Variants in OCM2 observed in about 807,000 individuals in gnomAD.
The protein encoded by OCM2 is oncomodulin 2.
In OCM2, 6 loss-of-function variants were observed where a neutral mutation model predicts 13.6. The ratio of observed to expected loss-of-function variants is 0.44; its 90% CI spans 0.24 to 0.87. OCM2 has a LOEUF of 0.87. Among genes scored for constraint, OCM2 ranks in the 40% least tolerant of loss-of-function variants. The pLI is 0.22. For synonymous variants in OCM2, 40 were observed against 50.7 expected (o/e 0.79, Z 0.90); for missense variants, 118 against 136.8 (o/e 0.86, Z 0.68).
intron 3 of OCM2, 29 bp from the exon 4 acceptor site, chr7:97,985,012 A>G: frequency 1.2e-6 from 2 of 1,614,096 alleles, no homozygotes; most frequent in Admixed American, 3.3e-5. Flanking sequence ...GAACAGGGTC[A>G]GTGGAGGTGG....
At position 97,990,025 on chromosome 7, in the gene OCM2, C is replaced by CCCCCG; in HGVS notation, c.61+18_61+19insCGGGG. 1 of 1,523,218 alleles carries CCCCCG rather than the reference C, an allele frequency of 6.6e-7. No homozygotes were observed. Among genetic ancestry groups the CCCCCG allele is most frequent in the Non-Finnish European group, 9.1e-7 (1 of 1,097,886 alleles). The allele number at this position is 1,523,218 out of a possible 1,614,324, so 94.4% of individuals were successfully genotyped here. A position where few individuals can be genotyped will look rare whatever the true frequency, so the allele number is the denominator to read the frequency against. ...CAAAGCTGTGAGGAAATCCCACCCCCGCCCCACGTCCCCTCTACCTTGGCA... is the reference window on the plus strand; with the variant it reads ...CAAAGCTGTGAGGAAATCCCACCCCCCCCCGGCCCCACGTCCCCTCTACCTTGGCA... On this transcript the variant is annotated intron_variant, in intron 1 of 3. Coordinates refer to ENST00000257627, the Ensembl canonical transcript of OCM2.
At chr7:97,990,010 A>G in intron 1 of OCM2, 34 bp downstream of exon 1, 3 of 1,570,718 alleles carry the variant, frequency 1.9e-6, no homozygotes, top group Non-Finnish European at 2.6e-6. Context: ...CAAAGCTGTG[A>G]GGAAATCCCA....
exon 1 of OCM2, chr7:97,990,136 G>T: frequency 6.2e-7 from 1 of 1,607,606 alleles, no homozygotes; most frequent in South Asian, 1.1e-5. Context: ...TAAACGAGAG[G>T]CGATAAGCCA....
intron 3 of OCM2, among the ~76,000 whole-genome samples, chr7:97,985,999 G>A (rs1284713945): frequency 6.6e-6 from 1 of 151,852 alleles, no homozygotes; most frequent in African/African-American, 2.4e-5. Flanking sequence ...TGCAACCTCT[G>A]CCTCCCAGGT....
intron 2 of OCM2, among the ~76,000 whole-genome samples, chr7:97,987,553 T>C (rs1183990743): frequency 6.6e-6 from 1 of 152,110 alleles, no homozygotes; most frequent in African/African-American, 2.4e-5. Flanking sequence ...TTTTGTCATG[T>C]TGCCCAGACT....
intron 3 of OCM2, among the ~76,000 whole-genome samples, chr7:97,985,324 C>G (rs756784304): frequency 2.0e-5 from 3 of 149,302 alleles, no homozygotes; most frequent in Non-Finnish European, 3.0e-5. Flanking sequence ...GAGGCTGAGG[C>G]GGGAGAATCA....
chr7:97,990,022 C>G, intron 1 of OCM2, 22 bp downstream of exon 1: 2 of 1,462,548 alleles, frequency 1.4e-6, no homozygotes, highest in Non-Finnish European at 1.9e-6. Context: ...GAAATCCCAC[C>G]CCCGCCCCAC....
intron 1 of OCM2, among the ~76,000 whole-genome samples, chr7:97,989,185 C>T (rs1282645486): frequency 1.3e-5 from 2 of 151,870 alleles, no homozygotes; most frequent in Non-Finnish European, 2.9e-5. Context: ...CCGGCCTTGG[C>T]CTCCCAAAGT....
exon 4 of OCM2, chr7:97,984,979 G>C: frequency 6.2e-7 from 1 of 1,614,080 alleles, no homozygotes; most frequent in Non-Finnish European, 8.5e-7. Context: ...CCATTTCCTG[G>C]AATTCTAGAA....
chr7:97,988,775 T>A (rs981323081), intron 1 of OCM2, among the ~76,000 whole-genome samples: 8 of 152,028 alleles, frequency 5.3e-5, no homozygotes, highest in African/African-American at 1.9e-4. Flanking sequence ...TTTGTCCATT[T>A]TCCTTTTCCC....
rs761205093 is a variant in OCM2, at chr7:97,989,942, G to A, written c.61+102C>T. On this transcript the variant is annotated intron_variant, in intron 1 of 3. Coordinates refer to ENST00000257627, the Ensembl canonical transcript of OCM2. ...CAAAGTGCTAGGATTACAGGCGTGAGCCACTGCGTCTGGCCGCCTGGCCTA... is the reference window on the plus strand; with the variant it reads ...CAAAGTGCTAGGATTACAGGCGTGAACCACTGCGTCTGGCCGCCTGGCCTA... 4.3e-6 allele frequency: 5 copies of A among 1,173,372 alleles called. No homozygotes were observed. The South Asian group carries it at 6.7e-5, about 16-fold the overall frequency. The allele number at this position is 1,173,372 out of a possible 1,614,324, so 72.7% of individuals were successfully genotyped here.
At chr7:97,987,053 C>T in exon 3 of OCM2, 3 of 1,613,246 alleles carry the variant, frequency 1.9e-6, no homozygotes, top group Non-Finnish European at 2.5e-6. Flanking sequence ...ATACCCTCTG[C>T]TCCAATTTTC....
At chr7:97,985,603 T>C (rs2116133628) in intron 3 of OCM2, among the ~76,000 whole-genome samples, 1 of 152,310 alleles carries the variant, frequency 6.6e-6, no homozygotes. Flanking sequence ...TCCCTGATAA[T>C]GCATGAATTC....
At chr7:97,990,177 A>G in exon 1 of OCM2, 1 of 1,414,086 alleles carries the variant, frequency 7.1e-7, no homozygotes, top group Non-Finnish European at 1.0e-6. Flanking sequence ...CAGGGGAAAC[A>G]CATCTTCCCA....
At chr7:97,985,144 G>A (rs1350862622) in intron 3 of OCM2, among the ~76,000 whole-genome samples, 161 bp from the exon 4 acceptor site, 1 of 152,118 alleles carries the variant, frequency 6.6e-6, no homozygotes, top group Admixed American at 6.6e-5. Context: ...AAACTGGCCG[G>A]GCACAGTGGC....
At chr7:97,988,921 ATTTC>A (rs1179662943) in intron 1 of OCM2, among the ~76,000 whole-genome samples, 1 of 140,980 alleles carries the variant, frequency 7.1e-6, no homozygotes, top group Non-Finnish European at 1.5e-5. Context: ...GCCTTTGGCG[ATTTC>A]TTTCTTTCTT....
intron 3 of OCM2, among the ~76,000 whole-genome samples, chr7:97,985,906 A>G (rs1794666846): frequency 6.6e-6 from 1 of 151,868 alleles, no homozygotes; most frequent in African/African-American, 2.4e-5. Context: ...CTTCATGGTT[A>G]TGTTTATCTT....
chr7:97,984,874 G>A (rs1237542336), exon 4 of OCM2: 2 of 1,317,524 alleles, frequency 1.5e-6, no homozygotes, highest in South Asian at 2.5e-5. Context: ...GGTAGGGATG[G>A]GATGTGGGGT....
At chr7:97,989,810 A>G (rs1794713959) in intron 1 of OCM2, among the ~76,000 whole-genome samples, 1 of 150,576 alleles carries the variant, frequency 6.6e-6, no homozygotes, top group Admixed American at 6.6e-5. Flanking sequence ...GGTGCCCACC[A>G]CCACGCCTGG....
Sources: allele counts gnomAD v4.1 joint callset (sites outside exome capture counted in the v4.1 genomes callset), GRCh38; gene constraint gnomAD v4.1.1; transcripts MANE v1.5; gene names NCBI Gene and HGNC (gene_info 2026-07-23, HGNC 2026-07-21).